Variants in RBMS3 observed in about 807,000 individuals in gnomAD.
RBMS3 encodes the protein RNA-binding motif, single-stranded-interacting protein 3.
A neutral mutation model predicts 66.8 loss-of-function variants in RBMS3; 27 were observed. The ratio of observed to expected loss-of-function variants is 0.40; its 90% CI spans 0.30 to 0.56. The LOEUF (loss-of-function observed/expected upper bound fraction) is 0.56, where lower values mean the gene tolerates loss of function less well. Ranked by LOEUF, RBMS3 falls within the 20% of genes least tolerant of loss-of-function variation. RBMS3 has a pLI of 0.40. For synonymous variants in RBMS3, 188 were observed against 183.0 expected (o/e 1.03, Z -0.22); for missense variants, 513 against 549.5 (o/e 0.93, Z 0.66).
chr3:29,724,200 T>C (rs1450143540), intron 4 of RBMS3, among the ~76,000 whole-genome samples: 1 of 152,184 alleles, frequency 6.6e-6, no homozygotes, highest in East Asian at 1.9e-4. Flanking sequence ...TATAATTTAA[T>C]ATAACATCTA....
intron 3 of RBMS3, among the ~76,000 whole-genome samples, chr3:29,490,215 C>T (rs2043490494): frequency 6.8e-6 from 1 of 147,884 alleles, no homozygotes; most frequent in Admixed American, 6.7e-5. Context: ...TATGATTCTG[C>T]AGGTGTTTCG....
At chr3:29,364,668 G>A (rs944200815) in intron 1 of RBMS3, among the ~76,000 whole-genome samples, 1 of 152,052 alleles carries the variant, frequency 6.6e-6, no homozygotes, top group Non-Finnish European at 1.5e-5. Context: ...AGAGTCCTTC[G>A]GAGTAGCCCA....
At chr3:29,911,879 C>A (rs1014947730) in intron 10 of RBMS3, among the ~76,000 whole-genome samples, 3 of 151,878 alleles carry the variant, frequency 2.0e-5, no homozygotes, top group African/African-American at 7.3e-5. Flanking sequence ...AAAATTTATT[C>A]TTTGGGAATA....
intron 1 of RBMS3, among the ~76,000 whole-genome samples, chr3:29,360,190 A>G (rs1294409757): frequency 6.6e-6 from 1 of 150,820 alleles, no homozygotes; most frequent in Non-Finnish European, 1.5e-5. Flanking sequence ...ATTTAGTGCT[A>G]TAAATTTCCC....
chr3:29,491,990 C>A (rs563833655), intron 3 of RBMS3, among the ~76,000 whole-genome samples: 17 of 107,020 alleles, frequency 1.6e-4, no homozygotes, highest in Admixed American at 1.5e-3. Context: ...AAGGCTCAGT[C>A]TCGAAAAAAA....
rs866587368 is a variant in RBMS3 at position 29,944,708 on chromosome 3, C to A, written c.1098+454C>A. 4.0e-4 allele frequency among the ~76,000 whole-genome samples: 61 copies of A among 151,752 alleles called. No homozygotes were observed. The Middle Eastern group carries it at 0.02, about 51-fold the overall frequency. On this transcript the variant is annotated intron_variant, in intron 12 of 14. Transcript: ENST00000383767. ...ATCATCCCATTTGCTTGCTCAGCAC[C>A]CTGCATAGGGTCTGACACATAGTAG...
intron 4 of RBMS3, among the ~76,000 whole-genome samples, chr3:29,715,507 T>C (rs2053354939): frequency 6.6e-6 from 1 of 152,174 alleles, no homozygotes; most frequent in South Asian, 2.1e-4. Context: ...TAAATATATC[T>C]ACTGTTAGTT....
At chr3:29,738,201 A>T (rs147185318) in intron 4 of RBMS3, among the ~76,000 whole-genome samples, 1,884 of 152,206 alleles carry the variant, frequency 0.012, 27 homozygotes, top group Middle Eastern at 0.047. Context: ...CTACTTGTTT[A>T]TTGTTTTTAA....
intron 4 of RBMS3, among the ~76,000 whole-genome samples, chr3:29,703,960 G>A (rs1359266608): frequency 6.6e-6 from 1 of 152,184 alleles, no homozygotes; most frequent in East Asian, 1.9e-4. Flanking sequence ...ATAGGAGCAT[G>A]AACCCTGTTG....
Position 29,884,422 on chromosome 3 carries a change from T to TTCTCTCTCTCTC in RBMS3, c.791+251_791+262dup, listed in dbSNP as rs571002730. Among the ~76,000 whole-genome samples the TTCTCTCTCTCTC allele has an allele frequency of 6.7e-4, 28 of 41,870 alleles. 2 individuals are homozygous for TTCTCTCTCTCTC. The highest frequency in any genetic ancestry group is 1.5e-3 in the African/African-American group (15 of 9,686). 27.5% of individuals were successfully genotyped at this position (41,870 alleles called of 152,430 possible). ...ATGCCTCTGCCCACATTAAACCCTG[T>TTCTCTCTCTCTC]TCTCTCTCTCTCTCTCTCTCTCTCT... On this transcript the variant is annotated intron_variant, in intron 8 of 14. Coordinates refer to ENST00000383767, the MANE Select transcript of RBMS3 (RefSeq NM_001003793.3).
chr3:29,736,623 A>G (rs1391845798), intron 4 of RBMS3, among the ~76,000 whole-genome samples: 1 of 152,138 alleles, frequency 6.6e-6, no homozygotes, highest in African/African-American at 2.4e-5. Context: ...TGGCCCACTC[A>G]TTGGTAGGCT....
intron 6 of RBMS3, among the ~76,000 whole-genome samples, chr3:29,794,954 T>C (rs34173558): frequency 0.17 from 26,047 of 152,160 alleles, 2,437 homozygotes; most frequent in African/African-American, 0.2. Context: ...ACTCTATGCT[T>C]CCCATTCTCA....
intron 2 of RBMS3, among the ~76,000 whole-genome samples, chr3:29,480,774 T>G (rs776259912): frequency 3.3e-5 from 5 of 152,096 alleles, no homozygotes; most frequent in Non-Finnish European, 7.4e-5. Context: ...ATGGAAAGGA[T>G]TTGCACATGT....
intron 4 of RBMS3, among the ~76,000 whole-genome samples, chr3:29,602,733 A>G (rs1048060491): frequency 1.3e-5 from 2 of 151,988 alleles, no homozygotes; most frequent in African/African-American, 4.8e-5. Flanking sequence ...CCTTTTTGTT[A>G]TGGTAAAGAC....
At chr3:29,625,463 G>A (rs1301224380) in intron 4 of RBMS3, among the ~76,000 whole-genome samples, 1 of 152,064 alleles carries the variant, frequency 6.6e-6, no homozygotes, top group Non-Finnish European at 1.5e-5. Context: ...GGAGGCCGAG[G>A]CAGGTGGATC....
intron 3 of RBMS3, among the ~76,000 whole-genome samples, chr3:29,524,265 C>G (rs1160522431): frequency 2.0e-5 from 3 of 152,064 alleles, no homozygotes; most frequent in African/African-American, 7.2e-5. Flanking sequence ...CAGTGAAACT[C>G]AATACCCCAT....
At chr3:29,939,336 A>T (rs1339606577) in intron 11 of RBMS3, among the ~76,000 whole-genome samples, 1 of 151,968 alleles carries the variant, frequency 6.6e-6, no homozygotes, top group East Asian at 1.9e-4. Flanking sequence ...TTTAGAGAAG[A>T]TGTATTTTCC....
At chr3:29,470,010 A>G (rs1005374708) in intron 2 of RBMS3, among the ~76,000 whole-genome samples, 1 of 147,672 alleles carries the variant, frequency 6.8e-6, no homozygotes, top group Non-Finnish European at 1.5e-5. Flanking sequence ...ATTATATAAT[A>G]TGTAATTCAA....
At chr3:29,422,319 A>G (rs1263582023) in intron 1 of RBMS3, among the ~76,000 whole-genome samples, 1 of 151,870 alleles carries the variant, frequency 6.6e-6, no homozygotes, top group African/African-American at 2.4e-5. Context: ...AAAGGACAAT[A>G]GCAATTTGGA....
Sources: allele counts gnomAD v4.1 joint callset (sites outside exome capture counted in the v4.1 genomes callset), GRCh38; gene constraint gnomAD v4.1.1; transcripts MANE v1.5; gene names NCBI Gene and HGNC (gene_info 2026-07-23, HGNC 2026-07-21).